Variants in SH3RF1 observed in about 807,000 individuals in gnomAD.
SH3RF1 encodes the protein SH3 domain containing ring finger 1, also known as E3 ubiquitin-protein ligase SH3RF1.
In SH3RF1, 32 loss-of-function variants were observed where a neutral mutation model predicts 74.0. That is an observed-to-expected ratio of 0.43 (90% CI 0.33 to 0.58). The LOEUF is 0.58. SH3RF1 is among the 20% of genes least tolerant of loss of function. SH3RF1 has a pLI of 0.05. For synonymous variants in SH3RF1, 396 were observed against 439.6 expected (o/e 0.90, Z 1.24); for missense variants, 954 against 1,130.9 (o/e 0.84, Z 2.24).
chr4:169,126,970 A>G (rs1733535291), intron 6 of SH3RF1, among the ~76,000 whole-genome samples: 1 of 152,212 alleles, frequency 6.6e-6, no homozygotes. Context: ...TGACTACCTT[A>G]TAATACCTTG....
At chr4:169,110,096 C>A (rs112971153) in intron 10 of SH3RF1, among the ~76,000 whole-genome samples, 5 of 145,858 alleles carry the variant, frequency 3.4e-5, no homozygotes, top group African/African-American at 7.6e-5. Context: ...CGTTAGAGGC[C>A]GGGCACAGTG....
intron 2 of SH3RF1, among the ~76,000 whole-genome samples, chr4:169,219,649 A>C (rs1213342310): frequency 6.6e-6 from 1 of 152,116 alleles, no homozygotes; most frequent in Non-Finnish European, 1.5e-5. Context: ...CTTCAGGCCT[A>C]TTTGCAGGCA....
At chr4:169,185,347 T>C (rs1234141652) in intron 2 of SH3RF1, among the ~76,000 whole-genome samples, 2 of 152,146 alleles carry the variant, frequency 1.3e-5, no homozygotes, top group Non-Finnish European at 2.9e-5. Flanking sequence ...TGATGAATAC[T>C]AGACATAGCA....
At chr4:169,185,941 A>T (rs923134998) in intron 2 of SH3RF1, among the ~76,000 whole-genome samples, 2 of 152,212 alleles carry the variant, frequency 1.3e-5, no homozygotes, top group African/African-American at 4.8e-5. Flanking sequence ...TCATAAGCTT[A>T]TTCGCACATA....
In SH3RF1 at chr4:169,177,185, G is replaced by C. The variant is rs527446572; in HGVS notation, c.394-20506C>G. Among the ~76,000 whole-genome samples, 18 of 152,312 alleles carry C rather than the reference G, an allele frequency of 1.2e-4. No individual in the cohort carries two copies. The East Asian group carries it at 3.5e-3, about 29-fold the overall frequency. ...AATTCAATTATTACAAAGCAAATAA[G>C]GGATGGTATGGCATCCTGTGTCAAC... On this transcript the variant is annotated intron_variant, in intron 2 of 11. Coordinates refer to ENST00000284637, the MANE Select transcript of SH3RF1 (RefSeq NM_020870.4).
intron 2 of SH3RF1, among the ~76,000 whole-genome samples, chr4:169,229,207 A>G (rs973242190): frequency 6.6e-6 from 1 of 152,098 alleles, no homozygotes; most frequent in Non-Finnish European, 1.5e-5. Flanking sequence ...ACTCATCTTT[A>G]TAATTCCTTT....
At chr4:169,140,668 G>A (rs558212342) in intron 4 of SH3RF1, among the ~76,000 whole-genome samples, 1 of 152,162 alleles carries the variant, frequency 6.6e-6, no homozygotes, top group South Asian at 2.1e-4. Context: ...TTTTTTGTGT[G>A]TATGGTTGCC....
rs149168746 is a variant in SH3RF1 at position 169,205,859 on chromosome 4, T to G, written c.394-49180A>C. Among the ~76,000 whole-genome samples the G allele has an allele frequency of 1.3e-3, 205 of 152,298 alleles. 2 individuals are homozygous for G. Among genetic ancestry groups the G allele is most frequent in the Admixed American group, 0.012 (177 of 15,292 alleles). On this transcript the variant is annotated intron_variant, in intron 2 of 11. Transcript: ENST00000284637. ...ATATCCTGACTTGAGAAAACAAACA[T>G]GTATCCAAAGGAGATTTCAAATCCT...
In SH3RF1 at chr4:169,095,648, C is replaced by G. The variant is rs1300910185; in HGVS notation, c.*871G>C. The G allele has an allele frequency of 6.6e-6, 1 of 152,654 alleles. No homozygotes were observed. The highest frequency in any genetic ancestry group is 1.5e-5 in the Non-Finnish European group (1 of 68,052). The allele number at this position is 152,654 out of a possible 1,614,324, so 9.5% of individuals were successfully genotyped here. On this transcript the variant is annotated 3_prime_UTR_variant, in exon 12 of 12. Transcript: ENST00000284637. ...TGTGAAATGACGCTTCATAGCCATT[C>G]TCAGACAGTGACTACAACTTCAATT...
At chr4:169,249,121 A>G (rs143669622) in intron 2 of SH3RF1, among the ~76,000 whole-genome samples, 4,349 of 152,198 alleles carry the variant, frequency 0.029, 213 homozygotes, top group African/African-American at 0.1. Context: ...CCAGCTACTC[A>G]GGAGGCTCAG....
intron 5 of SH3RF1, 140 bp downstream of exon 5, chr4:169,136,178 A>G: frequency 2.3e-6 from 2 of 874,590 alleles, no homozygotes; most frequent in Non-Finnish European, 1.6e-6. Flanking sequence ...CAAAATGAAG[A>G]CAGGTTTTGC....
chr4:169,269,031 T>C lies in SH3RF1; in HGVS notation c.182A>G (p.Glu61Gly), dbSNP rs1450973090. Reference sequence around the variant, plus strand: ...CAGCAAGATGTTACTGGGAAGCTCCTCGACACCCGAGCCAACAAGAGTCCT... The same window carrying C: ...CAGCAAGATGTTACTGGGAAGCTCCCCGACACCCGAGCCAACAAGAGTCCT... The part of the protein sequence containing the change: ...ECRTLVGSGV[E>G]ELPSNILLVR... The change falls in exon 2 of 12, where the codon GAG becomes GGG. Residue 61 changes from glutamate to glycine, a missense_variant. Around this residue, in one of 3 missense-constraint regions of SH3RF1, gnomAD observed 64 missense variants for 101.9 expected, o/e 0.63. Transcript: ENST00000284637. The C allele has an allele frequency of 6.2e-7, 1 of 1,614,142 alleles. No individual in the cohort carries two copies. Among genetic ancestry groups the C allele is most frequent in the Non-Finnish European group, 8.5e-7 (1 of 1,180,032 alleles).
At position 169,268,877 on chromosome 4, in the gene SH3RF1, C is replaced by T. The variant is rs1262636063; in HGVS notation, c.336G>A (p.Leu112=). Residue 112 remains leucine (L), a synonymous_variant, in exon 2 of 12, where the codon CTG becomes CTA. Coordinates refer to ENST00000284637, the MANE Select transcript of SH3RF1 (RefSeq NM_020870.4). ...STVANCSSKD[L]QSSQGGQQPR... ...GCTGCTGTCCGCCCTGGGAGCTCTG[C>T]AGATCTTTTGAGCTACAATTAGCCA... is the stretch of plus-strand genomic sequence containing the variant. 7 of 1,612,390 alleles carry T rather than the reference C, an allele frequency of 4.3e-6. No homozygotes were observed. The highest frequency in any genetic ancestry group is 5.9e-6 in the Non-Finnish European group (7 of 1,179,772).
intron 2 of SH3RF1, among the ~76,000 whole-genome samples, chr4:169,212,567 T>C (rs1333379400): frequency 6.6e-6 from 1 of 152,166 alleles, no homozygotes; most frequent in Non-Finnish European, 1.5e-5. Context: ...CAGTTTTAGG[T>C]TCACAGCAAA....
intron 4 of SH3RF1, among the ~76,000 whole-genome samples, chr4:169,143,174 A>G (rs1035325827): frequency 3.9e-5 from 6 of 152,250 alleles, no homozygotes; most frequent in Non-Finnish European, 7.3e-5. Context: ...CTGAAATATA[A>G]TATGAGCCAC....
At chr4:169,254,003 A>G (rs1373503039) in intron 2 of SH3RF1, among the ~76,000 whole-genome samples, 5 of 152,258 alleles carry the variant, frequency 3.3e-5, no homozygotes, top group Non-Finnish European at 7.3e-5. Context: ...GCCATTCTCA[A>G]GAGAATTGTT....
chr4:169,155,238 C>A (rs1734032056), intron 4 of SH3RF1, among the ~76,000 whole-genome samples: 1 of 152,082 alleles, frequency 6.6e-6, no homozygotes, highest in Non-Finnish European at 1.5e-5. Context: ...CATACAGTGA[C>A]ATTTAACAAG....
chr4:169,212,593 C>T (rs1730397417), intron 2 of SH3RF1, among the ~76,000 whole-genome samples: 1 of 152,008 alleles, frequency 6.6e-6, no homozygotes, highest in South Asian at 2.1e-4. Context: ...GCAGGAAGTA[C>T]AGAGAGTTCC....
chr4:169,204,964 G>A (rs1401010846), intron 2 of SH3RF1, among the ~76,000 whole-genome samples: 1 of 152,140 alleles, frequency 6.6e-6, no homozygotes, highest in African/African-American at 2.4e-5. Context: ...TTCACGAGAG[G>A]ACTGAAGTTT....
Sources: allele counts gnomAD v4.1 joint callset (sites outside exome capture counted in the v4.1 genomes callset), GRCh38; gene constraint gnomAD v4.1.1; regional missense constraint gnomAD v4.1.1; transcripts MANE v1.5; gene names NCBI Gene and HGNC (gene_info 2026-07-23, HGNC 2026-07-21).